HHAT: variants seen among roughly 807,000 people sequenced by gnomAD.
The protein encoded by HHAT is protein-cysteine N-palmitoyltransferase HHAT.
A neutral mutation model predicts 70.8 loss-of-function variants in HHAT; 47 were observed. That is an observed-to-expected ratio of 0.66 (90% confidence interval 0.53 to 0.85). The LOEUF (loss-of-function observed/expected upper bound fraction) is 0.85. HHAT is among the 40% of genes least tolerant of loss of function. The pLI, the probability that HHAT is intolerant of heterozygous loss-of-function variation, is 0.00. For synonymous variants in HHAT, 228 were observed against 247.6 expected (o/e 0.92, Z 0.74); for missense variants, 609 against 604.8 (o/e 1.01, Z -0.07).
chr1:210,469,609 A>G (rs748636605), intron 8 of HHAT, among the ~76,000 whole-genome samples: 110 of 152,210 alleles, frequency 7.2e-4, no homozygotes, highest in Non-Finnish European at 1.4e-3. Flanking sequence ...ATCATTACAT[A>G]ATTATATAAA....
At chr1:210,521,722 G>T (rs2148607967) in intron 9 of HHAT, among the ~76,000 whole-genome samples, 1 of 152,290 alleles carries the variant, frequency 6.6e-6, no homozygotes, top group South Asian at 2.1e-4. Flanking sequence ...ATTAATTGAG[G>T]CTTACCCACT....
chr1:210,522,946 G>T (rs555898897), intron 9 of HHAT, among the ~76,000 whole-genome samples: 2 of 152,144 alleles, frequency 1.3e-5, no homozygotes, highest in African/African-American at 4.8e-5. Context: ...GCTTGAATGG[G>T]ATGAAGTGTG....
chr1:210,481,324 C>G (rs990794151), intron 8 of HHAT, among the ~76,000 whole-genome samples: 4 of 152,114 alleles, frequency 2.6e-5, no homozygotes, highest in African/African-American at 4.8e-5. Context: ...CTTAAAGATG[C>G]CTTCTTTACC....
chr1:210,618,503 C>T (rs1000165381), intron 10 of HHAT, among the ~76,000 whole-genome samples: 1 of 152,210 alleles, frequency 6.6e-6, no homozygotes, highest in Non-Finnish European at 1.5e-5. Context: ...TTCTCCACCA[C>T]TTAAAAATAA....
At position 210,404,654 on chromosome 1, in the gene HHAT, T is replaced by C. The variant is rs2092250819; in HGVS notation, c.659T>C (p.Leu220Pro). ...YYPVLHNGPI[L>P]SFSEFIKQMQ... is the part of the protein sequence containing the mutation. ...CCAGTCTTACACAATGGGCCCATCC[T>C]CAGCTTCTCGGAGTTCATCAAACAG... Residue 220 changes from leucine (L) to proline (P), a missense_variant, in exon 6 of 12, where the codon CTC (leucine) becomes CCC (proline). Leu to Pro is a moderately conservative substitution (Grantham distance 98, BLOSUM62 -3). Coordinates refer to ENST00000261458, the MANE Select transcript of HHAT (RefSeq NM_018194.6). 8.1e-6 allele frequency: 13 copies of C among 1,613,930 alleles called. No homozygotes were observed. The highest frequency in any genetic ancestry group is 8.5e-6 in the Non-Finnish European group (10 of 1,179,942).
intron 8 of HHAT, among the ~76,000 whole-genome samples, chr1:210,470,086 C>A (rs1021612508): frequency 2.6e-5 from 4 of 152,160 alleles, no homozygotes; most frequent in African/African-American, 9.7e-5. Context: ...CTCAAGCAAT[C>A]CTCTCACCTT....
rs200901586 is a variant in HHAT, at chr1:210,464,580, T to C, written c.932T>C (p.Met311Thr). 6.1e-5 allele frequency: 99 copies of C among 1,614,202 alleles called. No individual in the cohort carries two copies. Among genetic ancestry groups the C allele is most frequent in the Admixed American group, 1.2e-4 (7 of 60,030 alleles). Residue 311 changes from methionine (M) to threonine (T), a missense_variant, in exon 8 of 12, where the codon ATG (methionine) becomes ACG (threonine). Coordinates refer to ENST00000261458, the MANE Select transcript of HHAT (RefSeq NM_018194.6). ...LVLFGVPALL[M>T]RLDGLTPPAL... ...CTCTTTGGCGTGCCTGCTCTGCTCATGCGCCTGGATGGACTCACTCCACCC... is the reference window on the plus strand; with the variant it reads ...CTCTTTGGCGTGCCTGCTCTGCTCACGCGCCTGGATGGACTCACTCCACCC...
At chr1:210,619,009 C>T (rs139070630) in intron 10 of HHAT, among the ~76,000 whole-genome samples, 33 of 152,258 alleles carry the variant, frequency 2.2e-4, no homozygotes, top group Admixed American at 8.5e-4. Flanking sequence ...TGAGTGTTGT[C>T]GTGACATTCC....
chr1:210,510,152 G>C (rs1173595693), intron 8 of HHAT, among the ~76,000 whole-genome samples: 1 of 152,108 alleles, frequency 6.6e-6, no homozygotes, highest in African/African-American at 2.4e-5. Context: ...ATTTTCAGTA[G>C]GTGGTGTGCT....
chr1:210,479,906 G>A (rs956793947), intron 8 of HHAT, among the ~76,000 whole-genome samples: 5 of 152,124 alleles, frequency 3.3e-5, no homozygotes, highest in East Asian at 3.9e-4. Flanking sequence ...CAGCAGACTC[G>A]GAGTCACATC....
intron 9 of HHAT, among the ~76,000 whole-genome samples, chr1:210,534,915 C>G (rs1184221104): frequency 6.6e-6 from 1 of 152,200 alleles, no homozygotes; most frequent in East Asian, 1.9e-4. Flanking sequence ...AACTTTCTGG[C>G]CTTCAACAAG....
intron 11 of HHAT, among the ~76,000 whole-genome samples, chr1:210,662,446 CTG>C (rs1210949555): frequency 6.6e-6 from 1 of 152,186 alleles, no homozygotes; most frequent in Non-Finnish European, 1.5e-5. Flanking sequence ...GCAGCGTCCA[CTG>C]TGTTTTATAG....
At chr1:210,503,428 A>C (rs774841022) in intron 8 of HHAT, among the ~76,000 whole-genome samples, 15 of 152,188 alleles carry the variant, frequency 9.9e-5, no homozygotes, top group Non-Finnish European at 1.9e-4. Context: ...ACAAATGCCC[A>C]CATGTAACTC....
At chr1:210,617,251 T>TA (rs1161838103) in intron 10 of HHAT, among the ~76,000 whole-genome samples, 2 of 152,210 alleles carry the variant, frequency 1.3e-5, no homozygotes, top group African/African-American at 4.8e-5. Flanking sequence ...ATGTCATTGA[T>TA]AAAAAGTGGT....
chr1:210,500,443 G>A (rs2094730897), intron 8 of HHAT, among the ~76,000 whole-genome samples: 2 of 152,168 alleles, frequency 1.3e-5, no homozygotes, highest in African/African-American at 2.4e-5. Context: ...CCAGCTCCCA[G>A]AAGTCAACCC....
chr1:210,365,187 CA>C (rs1571902960), intron 3 of HHAT, among the ~76,000 whole-genome samples: 2 of 151,696 alleles, frequency 1.3e-5, no homozygotes, highest in African/African-American at 4.8e-5. Context: ...AAATTCTAAT[CA>C]AAAGAAGATA....
chr1:210,468,030 A>T (rs960701556), intron 8 of HHAT, among the ~76,000 whole-genome samples: 3 of 152,202 alleles, frequency 2.0e-5, no homozygotes, highest in Admixed American at 2.0e-4. Context: ...TGAAAGTTAG[A>T]ACCTGATGGG....
intron 1 of HHAT, chr1:210,329,488 G>A (rs2084798559): frequency 1.1e-5 from 11 of 1,016,686 alleles, no homozygotes; most frequent in Non-Finnish European, 1.3e-5. Context: ...TCTAAAGTTA[G>A]AGACTTCCTT....
chr1:210,605,344 C>T (rs1409906250), intron 10 of HHAT, among the ~76,000 whole-genome samples: 7 of 152,154 alleles, frequency 4.6e-5, no homozygotes, highest in Non-Finnish European at 8.8e-5. Flanking sequence ...GGATTTCAGA[C>T]TAGAAGAATC....
Sources: allele counts gnomAD v4.1 joint callset (sites outside exome capture counted in the v4.1 genomes callset), GRCh38; gene constraint gnomAD v4.1.1; transcripts MANE v1.5; gene names NCBI Gene and HGNC (gene_info 2026-07-23, HGNC 2026-07-21).